Variants in PRKD1 observed in about 807,000 individuals in gnomAD.
PRKD1 encodes the protein serine/threonine-protein kinase D1.
In PRKD1, 63 loss-of-function variants were observed where a neutral mutation model predicts 95.9. That is an observed-to-expected ratio of 0.66 (90% CI 0.54 to 0.81). The LOEUF (loss-of-function observed/expected upper bound fraction) is 0.81. Ranked by LOEUF, PRKD1 falls within the 30% of genes least tolerant of loss-of-function variation. The pLI, the probability that PRKD1 is intolerant of heterozygous loss-of-function variation, is 0.00. For synonymous variants in PRKD1, 425 were observed against 423.1 expected, an observed-to-expected ratio of 1.00 and a Z score of -0.05; for missense variants, 1,048 against 1,165.3, an observed-to-expected ratio of 0.90 and a Z score of 1.47.
chr14:29,740,775 C>T (rs901580899), intron 1 of PRKD1, among the ~76,000 whole-genome samples: 3 of 152,178 alleles, frequency 2.0e-5, no homozygotes, highest in African/African-American at 7.2e-5. Context: ...GACTATAAAA[C>T]ATTCAACCAC....
chr14:29,583,174 C>T (rs1892804922), intron 16 of PRKD1, among the ~76,000 whole-genome samples: 3 of 152,050 alleles, frequency 2.0e-5, no homozygotes, highest in Admixed American at 2.0e-4. Context: ...CCCTGTACCT[C>T]CTTCTATAAA....
intron 4 of PRKD1, among the ~76,000 whole-genome samples, chr14:29,661,025 A>C (rs1191555464): frequency 6.6e-6 from 1 of 152,158 alleles, no homozygotes; most frequent in Non-Finnish European, 1.5e-5. Flanking sequence ...TTTACTGCCA[A>C]AGTTGATGAC....
chr14:29,836,447 T>C (rs1891614530), intron 1 of PRKD1, among the ~76,000 whole-genome samples: 1 of 152,070 alleles, frequency 6.6e-6, no homozygotes, highest in East Asian at 1.9e-4. Flanking sequence ...TTAGTCACGT[T>C]GTAGGTGGGG....
chr14:29,747,915 TG>T (rs112681249), intron 1 of PRKD1, among the ~76,000 whole-genome samples: 1,566 of 152,190 alleles, frequency 0.01, 29 homozygotes, highest in African/African-American at 0.034. Flanking sequence ...AGCTAATTTT[TG>T]TATTTTTAGT....
intron 13 of PRKD1, among the ~76,000 whole-genome samples, chr14:29,618,151 T>C (rs140993391): frequency 9.8e-4 from 149 of 152,276 alleles, no homozygotes; most frequent in African/African-American, 3.5e-3. Context: ...TCCTTAATAA[T>C]CACAAAACAT....
chr14:29,673,278 T>C lies in PRKD1; in HGVS notation c.404-7070A>G, dbSNP rs573164443. On this transcript the variant is annotated intron_variant, in intron 2 of 17. Transcript: ENST00000331968. The stretch of plus-strand genomic sequence containing the variant: ...AGGACGAGAGAGCTAGAAAATGGGA[T>C]TATTTTATGCCATCTACCTCCATAC... Among the ~76,000 whole-genome samples, 9 of 152,350 alleles carry C rather than the reference T, an allele frequency of 5.9e-5. No homozygotes were observed. The South Asian group carries it at 1.0e-3, about 18-fold the overall frequency.
In PRKD1 at chr14:29,576,841, G is replaced by C. The variant is rs1892570873; in HGVS notation, c.*397C>G. Reference sequence around the variant, plus strand: ...ACTGGAAATAATCGACTCTTCAAGAGTTTGTTTACAATGACAACACCAATG... The same window carrying C: ...ACTGGAAATAATCGACTCTTCAAGACTTTGTTTACAATGACAACACCAATG... On this transcript the variant is annotated 3_prime_UTR_variant, in exon 18 of 18. Transcript: ENST00000331968. The C allele has an allele frequency of 4.4e-6, 1 of 226,814 alleles. No individual in the cohort carries two copies. Among genetic ancestry groups the C allele is most frequent in the East Asian group, 9.6e-5 (1 of 10,368 alleles). The allele number at this position is 226,814 out of a possible 1,614,324, so 14.1% of individuals were successfully genotyped here.
At chr14:29,755,055 C>T (rs894819207) in intron 1 of PRKD1, among the ~76,000 whole-genome samples, 17 of 151,824 alleles carry the variant, frequency 1.1e-4, no homozygotes, top group African/African-American at 3.1e-4. Context: ...GTGTTTTTTC[C>T]GTTAAAATTT....
chr14:29,585,587 A>G (rs1415774780), intron 16 of PRKD1, among the ~76,000 whole-genome samples: 1 of 152,188 alleles, frequency 6.6e-6, no homozygotes, highest in Non-Finnish European at 1.5e-5. Context: ...TATTCTGATC[A>G]TGTTCATACT....
Position 29,577,284 on chromosome 14 carries a change from T to A in PRKD1, c.2693A>T (p.Glu898Val). ...SASHSDTPET[E>V]ETEMKALGER... ...ACCGAGGGCTTTCATTTCTGTTTCT[T>A]CAGTCTCAGGAGTGTCACTGTGGCT... Residue 898 changes from glutamate (E) to valine (V), a missense_variant, in exon 18 of 18, where the codon GAA (glutamate) becomes GTA (valine). By Grantham distance (121) the Glu-to-Val change is moderately radical. Transcript: ENST00000331968. 1 of 1,613,802 alleles carries A rather than the reference T, an allele frequency of 6.2e-7. No individual in the cohort carries two copies.
At chr14:29,585,876 G>A (rs1162520018) in intron 16 of PRKD1, among the ~76,000 whole-genome samples, 1 of 152,176 alleles carries the variant, frequency 6.6e-6, no homozygotes, top group African/African-American at 2.4e-5. Context: ...CTTAGGAGAG[G>A]ATATTGATAT....
chr14:29,714,078 T>G (rs1885472199), intron 2 of PRKD1, among the ~76,000 whole-genome samples: 1 of 152,134 alleles, frequency 6.6e-6, no homozygotes, highest in Non-Finnish European at 1.5e-5. Context: ...CAGTATTGAC[T>G]TACACCAGTA....
intron 2 of PRKD1, among the ~76,000 whole-genome samples, chr14:29,708,804 A>G (rs971024159): frequency 6.6e-6 from 1 of 152,170 alleles, no homozygotes; most frequent in African/African-American, 2.4e-5. Flanking sequence ...TAGAGGCTAC[A>G]GTGAGCAATG....
intron 2 of PRKD1, among the ~76,000 whole-genome samples, chr14:29,674,391 G>C (rs902261715): frequency 2.0e-5 from 3 of 152,104 alleles, no homozygotes; most frequent in Non-Finnish European, 4.4e-5. Context: ...TCCCTAAAAT[G>C]AATCAATTAA....
intron 16 of PRKD1, among the ~76,000 whole-genome samples, chr14:29,578,650 A>T (rs1221247831): frequency 6.6e-6 from 1 of 151,692 alleles, no homozygotes; most frequent in Non-Finnish European, 1.5e-5. Context: ...ACTCTTTAAC[A>T]CTTTCTTTAA....
chr14:29,808,927 A>G (rs1360603548), intron 1 of PRKD1, among the ~76,000 whole-genome samples: 4 of 152,224 alleles, frequency 2.6e-5, no homozygotes, highest in Non-Finnish European at 5.9e-5. Context: ...CAGATCTATC[A>G]GAGAAATCAC....
At chr14:29,790,355 TA>T (rs1021754858) in intron 1 of PRKD1, among the ~76,000 whole-genome samples, 1 of 151,766 alleles carries the variant, frequency 6.6e-6, no homozygotes, top group African/African-American at 2.4e-5. Flanking sequence ...TCATTCCAGC[TA>T]AAAAAAAGAT....
chr14:29,790,005 G>GTTT (rs1249843129), intron 1 of PRKD1, among the ~76,000 whole-genome samples: 3 of 129,954 alleles, frequency 2.3e-5, no homozygotes, highest in Admixed American at 8.0e-5. Context: ...CAAGCAAGTT[G>GTTT]TCTTTTTTTT....
At chr14:29,791,495 T>G (rs1171957539) in intron 1 of PRKD1, among the ~76,000 whole-genome samples, 2 of 152,162 alleles carry the variant, frequency 1.3e-5, no homozygotes, top group Non-Finnish European at 2.9e-5. Context: ...TTCCTACCCG[T>G]CAATTCCAGA....
Sources: gnomAD v4.1 joint callset for allele counts (sites outside exome capture counted in the v4.1 genomes callset) on GRCh38, gnomAD v4.1.1 for gene constraint, MANE v1.5 for transcripts, NCBI Gene and HGNC (gene_info 2026-07-23, HGNC 2026-07-21) for gene names.